Variants in SH3D19 observed in about 807,000 individuals in gnomAD.
SH3D19 encodes the protein SH3 domain containing 19.
Under a neutral mutation model 112.1 loss-of-function variants are expected in SH3D19, and 58 were observed. The observed-to-expected ratio is 0.52, with a 90% CI of 0.42 to 0.64. SH3D19 has a LOEUF of 0.64. Ranked by LOEUF, SH3D19 falls within the 30% of genes least tolerant of loss-of-function variation. SH3D19 has a pLI of 0.00. For synonymous variants in SH3D19, 391 were observed against 448.5 expected, an observed-to-expected ratio of 0.87 and a Z score of 1.62; for missense variants, 1,090 against 1,263.4, an observed-to-expected ratio of 0.86 and a Z score of 2.08.
At chr4:151,139,708 C>T in intron 13 of SH3D19, 67 bp downstream of exon 13, 1 of 1,432,692 alleles carries the variant, frequency 7.0e-7, no homozygotes, top group South Asian at 1.2e-5. Context: ...AGAGGCTAAC[C>T]CCCGGCAGGG....
chr4:151,155,906 C>A (rs780425295), intron 9 of SH3D19, among the ~76,000 whole-genome samples: 1 of 151,922 alleles, frequency 6.6e-6, no homozygotes, highest in Non-Finnish European at 1.5e-5. Flanking sequence ...GAAGTGATCT[C>A]ATATCTAGAA....
intron 7 of SH3D19, among the ~76,000 whole-genome samples, chr4:151,171,957 T>C (rs760233893): frequency 4.6e-5 from 7 of 152,248 alleles, no homozygotes; most frequent in Non-Finnish European, 8.8e-5. Context: ...TTTTATTTAA[T>C]AATTTTTCTA....
At position 151,161,632 on chromosome 4, in the gene SH3D19, A is replaced by T. The variant is rs201708493; in HGVS notation, c.1643-2280T>A. 5.5e-3 allele frequency among the ~76,000 whole-genome samples: 775 copies of T among 141,084 alleles called. 4 individuals carry two copies. Among genetic ancestry groups the T allele is most frequent in the East Asian group, 0.039 (178 of 4,554 alleles). 92.6% of individuals were successfully genotyped at this position (141,084 alleles called of 152,430 possible). The stretch of plus-strand genomic sequence containing the variant: ...TTGTCTTTTATACATATATATATAT[A>T]TATATATATTTTAATTATACTTTAA... On this transcript the variant is annotated intron_variant, in intron 8 of 19. Coordinates refer to ENST00000604030, the MANE Select transcript of SH3D19 (RefSeq NM_001378122.1).
intron 7 of SH3D19, among the ~76,000 whole-genome samples, chr4:151,167,305 AC>A (rs1758207236): frequency 6.6e-6 from 1 of 151,892 alleles, no homozygotes; most frequent in Admixed American, 6.5e-5. Flanking sequence ...CAAATATATA[AC>A]AAGTATAATA....
intron 2 of SH3D19, among the ~76,000 whole-genome samples, chr4:151,198,437 A>C (rs1375010924): frequency 7.1e-6 from 1 of 140,810 alleles, no homozygotes; most frequent in Non-Finnish European, 1.5e-5. Flanking sequence ...ATTATATAAA[A>C]TATATATAAA....
intron 1 of SH3D19, among the ~76,000 whole-genome samples, chr4:151,295,318 GCAGAGAGAAAGAAT>G: frequency 6.6e-6 from 1 of 152,234 alleles, no homozygotes; most frequent in South Asian, 2.1e-4. Flanking sequence ...AGAACAAAAA[GCAGAGAGAAAGAAT>G]CAGACACCAA....
intron 9 of SH3D19, among the ~76,000 whole-genome samples, chr4:151,158,339 C>T (rs1008810933): frequency 1.3e-5 from 2 of 151,894 alleles, no homozygotes; most frequent in Non-Finnish European, 2.9e-5. Flanking sequence ...CACTCTGTCG[C>T]CCCAGGCTGG....
chr4:151,144,622 C>G (rs1459812952), intron 11 of SH3D19, among the ~76,000 whole-genome samples: 1 of 152,236 alleles, frequency 6.6e-6, no homozygotes, highest in Non-Finnish European at 1.5e-5. Context: ...CTTGACCTCA[C>G]AGCCAGTTCT....
intron 19 of SH3D19, among the ~76,000 whole-genome samples, chr4:151,123,954 G>C (rs1748598957): frequency 6.6e-6 from 1 of 152,082 alleles, no homozygotes; most frequent in African/African-American, 2.4e-5. Flanking sequence ...AATTTACTCT[G>C]CTCTGCTAAA....
chr4:151,238,891 C>G (rs1290416964), intron 1 of SH3D19, among the ~76,000 whole-genome samples: 1 of 152,154 alleles, frequency 6.6e-6, no homozygotes, highest in Non-Finnish European at 1.5e-5. Flanking sequence ...CCACCCCTGT[C>G]CTTCCTCTCC....
intron 4 of SH3D19, among the ~76,000 whole-genome samples, chr4:151,178,512 T>A (rs1225588244): frequency 6.6e-6 from 1 of 152,232 alleles, no homozygotes; most frequent in African/African-American, 2.4e-5. Flanking sequence ...TAGTAAGAGT[T>A]ATTAGTTAAT....
At chr4:151,202,002 A>G (rs575945313) in intron 2 of SH3D19, among the ~76,000 whole-genome samples, 1 of 150,934 alleles carries the variant, frequency 6.6e-6, no homozygotes, top group African/African-American at 2.4e-5. Flanking sequence ...GTAAGAGCAA[A>G]ACTCCATCTC....
At chr4:151,252,977 C>G (rs1401930225) in intron 1 of SH3D19, among the ~76,000 whole-genome samples, 3 of 152,202 alleles carry the variant, frequency 2.0e-5, no homozygotes. Flanking sequence ...CCAAATCCAC[C>G]ATCACCTCCT....
In SH3D19 at chr4:151,325,535, G is replaced by A; in HGVS notation, c.-183C>T. The A allele has an allele frequency of 3.3e-6, 1 of 300,792 alleles. No individual in the cohort carries two copies. Among genetic ancestry groups the A allele is most frequent in the Non-Finnish European group, 6.1e-6 (1 of 164,978 alleles). The allele number at this position is 300,792 out of a possible 1,614,324, so 18.6% of individuals were successfully genotyped here. Reference sequence around the variant, plus strand: ...CCGCGAACTCCACCTGCAGCCGGCCGGGCAGCGGCAGGGCGCGGGCCGAGC... The same window carrying A: ...CCGCGAACTCCACCTGCAGCCGGCCAGGCAGCGGCAGGGCGCGGGCCGAGC... On this transcript the variant is annotated 5_prime_UTR_variant, in exon 1 of 20. Transcript: ENST00000604030.
chr4:151,275,790 G>A (rs921643634), intron 1 of SH3D19, among the ~76,000 whole-genome samples: 3 of 151,882 alleles, frequency 2.0e-5, no homozygotes, highest in African/African-American at 7.3e-5. Flanking sequence ...CAAAGTGCTG[G>A]GATAATAGGC....
In SH3D19 at chr4:151,279,535, T is replaced by TA. The variant is rs1470591167; in HGVS notation, c.112+45705dup. 2.0e-5 allele frequency among the ~76,000 whole-genome samples: 3 copies of TA among 152,324 alleles called. No individual in the cohort carries two copies. In the East Asian group the frequency reaches 5.8e-4, roughly 29 times the overall value. ...CAGTGAATCTAGATATTAGATGTGT[T>TA]ACTATGTGTTAATGATACCCTATTT... is the stretch of plus-strand genomic sequence containing the variant. On this transcript the variant is annotated intron_variant, in intron 1 of 19. Transcript: ENST00000604030.
intron 1 of SH3D19, chr4:151,282,245 C>G: frequency 6.2e-7 from 1 of 1,613,914 alleles, no homozygotes; most frequent in Non-Finnish European, 8.5e-7. Flanking sequence ...AATCGTCATC[C>G]ATCCCAAGTA....
chr4:151,256,811 G>C (rs930807257), intron 1 of SH3D19, among the ~76,000 whole-genome samples: 1 of 151,266 alleles, frequency 6.6e-6, no homozygotes, highest in Non-Finnish European at 1.5e-5. Context: ...GCTGATCTCA[G>C]CTCACTGCAA....
intron 2 of SH3D19, among the ~76,000 whole-genome samples, chr4:151,210,188 T>C (rs1263770985): frequency 6.6e-6 from 1 of 152,160 alleles, no homozygotes; most frequent in Non-Finnish European, 1.5e-5. Flanking sequence ...TAAGAATTTA[T>C]CACAAGGAGA....
Sources: gnomAD v4.1 joint callset for allele counts (sites outside exome capture counted in the v4.1 genomes callset) on GRCh38, gnomAD v4.1.1 for gene constraint, MANE v1.5 for transcripts, NCBI Gene and HGNC (gene_info 2026-07-23, HGNC 2026-07-21) for gene names.